Variants in TRIO observed in about 807,000 individuals in gnomAD.
TRIO encodes triple functional domain protein.
Under a neutral mutation model 351.9 loss-of-function variants are expected in TRIO, and 58 were observed. The observed-to-expected ratio is 0.16, with a 90% CI of 0.13 to 0.21. The LOEUF is 0.21. Ranked by LOEUF, TRIO falls within the 10% of genes least tolerant of loss-of-function variation. The probability of loss-of-function intolerance (pLI) is 1.00; values close to 1 mark genes in which losing one functional copy is unlikely to be tolerated. For missense variants in TRIO, 3,201 were observed against 4,027.8 expected (o/e 0.79, Z 5.56); for synonymous variants, 1,758 against 1,595.7 (o/e 1.10, Z -2.42).
intron 1 of TRIO, among the ~76,000 whole-genome samples, chr5:14,267,268 C>A (rs1034173665): frequency 6.6e-6 from 1 of 151,952 alleles, no homozygotes; most frequent in African/African-American, 2.4e-5. Context: ...ATTGACAAAC[C>A]CCCCTGGTGG....
At chr5:14,307,454 C>CCTTT (rs1202572698) in intron 8 of TRIO, among the ~76,000 whole-genome samples, 1 of 152,222 alleles carries the variant, frequency 6.6e-6, no homozygotes, top group Non-Finnish European at 1.5e-5. Flanking sequence ...AGAGTACAGG[C>CCTTT]CTTTCTTTCT....
In TRIO at chr5:14,509,240, G is replaced by T; in HGVS notation, c.*818G>T. The T allele has an allele frequency of 2.8e-6, 1 of 351,086 alleles. No homozygotes were observed. The highest frequency in any genetic ancestry group is 5.5e-6 in the Non-Finnish European group (1 of 181,576). The allele number at this position is 351,086 out of a possible 1,614,324, so 21.7% of individuals were successfully genotyped here. On this transcript the variant is annotated 3_prime_UTR_variant, in exon 57 of 57. Transcript: ENST00000344204. The stretch of plus-strand genomic sequence containing the variant: ...GAAAATACTGTAAATGCACTCATTG[G>T]GGGTTTTTTGGTTTTACTTCATATC...
At chr5:14,244,810 T>C (rs1379326207) in intron 1 of TRIO, among the ~76,000 whole-genome samples, 1 of 152,076 alleles carries the variant, frequency 6.6e-6, no homozygotes, top group East Asian at 1.9e-4. Flanking sequence ...CTGTGAGGAT[T>C]GGGTCAGGCT....
At position 14,461,248 on chromosome 5, in the gene TRIO, C is replaced by G; in HGVS notation, c.5433C>G (p.Asp1811Glu). 6.3e-7 allele frequency: 1 copy of G among 1,591,936 alleles called. No individual in the cohort carries two copies. The highest frequency in any genetic ancestry group is 8.5e-7 in the Non-Finnish European group (1 of 1,170,756). Residue 1811 changes from aspartate to glutamate, a missense_variant, in exon 35 of 57, where the codon GAC becomes GAG. Asp to Glu is a conservative substitution (Grantham distance 45, BLOSUM62 2). This residue lies in a region of TRIO where 193 missense variants were observed against 218.8 expected (regional missense o/e 0.88). Transcript: ENST00000344204. ...GCCGCGAGGTCCGCAAGAGCGCCGA[C>G]GCCGGCTCGCAGAAGGACTCCGACG... is the stretch of plus-strand genomic sequence containing the variant. ...KKSREVRKSADAGSQKDSDDS... is the reference protein window; with the variant it reads ...KKSREVRKSAEAGSQKDSDDS...
rs114812101 is a variant in TRIO at position 14,428,495 on chromosome 5, T to C, written c.5203+8474T>C. Among the ~76,000 whole-genome samples the C allele has an allele frequency of 5.7e-3, 864 of 152,276 alleles. 11 individuals are homozygous for C. Among genetic ancestry groups the C allele is most frequent in the African/African-American group, 0.02 (813 of 41,558 alleles). On this transcript the variant is annotated intron_variant, in intron 34 of 56. Coordinates refer to ENST00000344204, the MANE Select transcript of TRIO (RefSeq NM_007118.4). Reference sequence around the variant, plus strand: ...AGAACATGGAGTTACACCAAGAATTTTAAAACAAAGACGCTGTCCCTTTCC... The same window carrying C: ...AGAACATGGAGTTACACCAAGAATTCTAAAACAAAGACGCTGTCCCTTTCC...
intron 1 of TRIO, among the ~76,000 whole-genome samples, chr5:14,236,431 C>T (rs1055113029): frequency 3.9e-5 from 6 of 152,156 alleles, no homozygotes; most frequent in African/African-American, 7.2e-5. Context: ...CCAAACGTAA[C>T]TCTTGGGTTC....
chr5:14,380,976 G>T (rs1430634722), intron 20 of TRIO, among the ~76,000 whole-genome samples, 154 bp from the exon 21 acceptor site: 2 of 152,204 alleles, frequency 1.3e-5, no homozygotes, highest in African/African-American at 4.8e-5. Flanking sequence ...TCACACTTCA[G>T]TTTTATTTAA....
chr5:14,276,665 G>A (rs146402109), intron 2 of TRIO, among the ~76,000 whole-genome samples: 20 of 152,328 alleles, frequency 1.3e-4, no homozygotes, highest in African/African-American at 4.3e-4. Flanking sequence ...TGAAACAAGC[G>A]CTATGGAGAG....
intron 28 of TRIO, among the ~76,000 whole-genome samples, chr5:14,395,827 C>T (rs755312922): frequency 1.3e-5 from 2 of 152,088 alleles, no homozygotes; most frequent in Non-Finnish European, 2.9e-5. Flanking sequence ...AGGCGGATCA[C>T]GACATCAGGA....
intron 46 of TRIO, among the ~76,000 whole-genome samples, 176 bp from the exon 47 acceptor site, chr5:14,484,893 T>C (rs888741170): frequency 6.6e-6 from 1 of 152,244 alleles, no homozygotes; most frequent in African/African-American, 2.4e-5. Flanking sequence ...TCACTTAACA[T>C]AACGTCTTCA....
chr5:14,484,050 C>A (rs1453287867), intron 46 of TRIO, among the ~76,000 whole-genome samples: 1 of 151,402 alleles, frequency 6.6e-6, no homozygotes, highest in African/African-American at 2.4e-5. Context: ...ATCCCCTGCA[C>A]TGCACCTATC....
chr5:14,337,096 T>C (rs1248751366), intron 11 of TRIO, among the ~76,000 whole-genome samples: 1 of 152,162 alleles, frequency 6.6e-6, no homozygotes, highest in African/African-American at 2.4e-5. Context: ...GCCTCTGGAT[T>C]TTACGAGACT....
At chr5:14,415,433 A>T (rs1422030902) in intron 33 of TRIO, among the ~76,000 whole-genome samples, 1 of 152,138 alleles carries the variant, frequency 6.6e-6, no homozygotes, top group African/African-American at 2.4e-5. Context: ...TGAGCCATAC[A>T]TGCCTCATTG....
chr5:14,404,377 C>A (rs138256525), intron 31 of TRIO, among the ~76,000 whole-genome samples: 1 of 152,036 alleles, frequency 6.6e-6, no homozygotes, highest in Non-Finnish European at 1.5e-5. Context: ...CTTACTATTT[C>A]TGAAAAACTG....
chr5:14,326,578 G>A (rs1469872499), intron 9 of TRIO, among the ~76,000 whole-genome samples: 3 of 152,198 alleles, frequency 2.0e-5, no homozygotes, highest in South Asian at 2.1e-4. Context: ...CAGAGTAGCC[G>A]TGGGAAGGGA....
chr5:14,378,894 G>A (rs1473480129), intron 20 of TRIO, among the ~76,000 whole-genome samples: 18 of 152,158 alleles, frequency 1.2e-4, no homozygotes, highest in Admixed American at 1.1e-3. Flanking sequence ...GTCAAAAAGT[G>A]TTGATGTATC....
intron 34 of TRIO, among the ~76,000 whole-genome samples, chr5:14,445,739 C>G (rs756603383): frequency 6.6e-6 from 1 of 152,290 alleles, no homozygotes; most frequent in East Asian, 1.9e-4. Context: ...CCTCTTTTAT[C>G]CTTGAAAGCT....
intron 11 of TRIO, among the ~76,000 whole-genome samples, chr5:14,344,617 C>T (rs1742252392): frequency 6.6e-6 from 1 of 152,110 alleles, no homozygotes; most frequent in African/African-American, 2.4e-5. Context: ...CCTGTCCTGA[C>T]CCCGATTGTA....
intron 1 of TRIO, among the ~76,000 whole-genome samples, chr5:14,262,504 G>A (rs1795411405): frequency 6.6e-6 from 1 of 152,174 alleles, no homozygotes; most frequent in Admixed American, 6.5e-5. Context: ...AACCATTGAA[G>A]AATTTTAGGG....
Sources: allele counts gnomAD v4.1 joint callset (sites outside exome capture counted in the v4.1 genomes callset), GRCh38; gene constraint gnomAD v4.1.1; regional missense constraint gnomAD v4.1.1; transcripts MANE v1.5; gene names NCBI Gene and HGNC (gene_info 2026-07-23, HGNC 2026-07-21).